The following SYNE2 variants were observed in gnomAD, a reference collection of about 807,000 sequenced individuals.
SYNE2 encodes spectrin repeat containing nuclear envelope protein 2, also known as nesprin-2.
Under a neutral mutation model 856.3 loss-of-function variants are expected in SYNE2, and 431 were observed. That is an observed-to-expected ratio of 0.50 (90% CI 0.47 to 0.55). The LOEUF (loss-of-function observed/expected upper bound fraction) is 0.55, where lower values mean the gene tolerates loss of function less well. Ranked by LOEUF, SYNE2 falls within the 20% of genes least tolerant of loss-of-function variation. The pLI is 0.00. For synonymous variants in SYNE2, 2,923 were observed against 2,872.3 expected, an observed-to-expected ratio of 1.02 and a Z score of -0.56; for missense variants, 8,129 against 8,023.2, an observed-to-expected ratio of 1.01 and a Z score of -0.50.
intron 6 of SYNE2, among the ~76,000 whole-genome samples, 185 bp downstream of exon 6, chr14:63,942,328 C>G (rs1222407004): frequency 6.6e-6 from 1 of 151,946 alleles, no homozygotes; most frequent in Non-Finnish European, 1.5e-5. Context: ...GTTTTTTTCT[C>G]TTCTTTTTGA....
intron 49 of SYNE2, among the ~76,000 whole-genome samples, chr14:64,062,359 T>C (rs951270454): frequency 4.6e-5 from 7 of 152,186 alleles, no homozygotes; most frequent in Non-Finnish European, 1.0e-4. Context: ...ATACAGTTCT[T>C]AAGGTAAATT....
chr14:63,868,501 A>G (rs1382072196), intron 1 of SYNE2, among the ~76,000 whole-genome samples: 2 of 152,038 alleles, frequency 1.3e-5, no homozygotes, highest in African/African-American at 4.8e-5. Flanking sequence ...AAGAACCCAT[A>G]TTGATGAAAT....
rs1428074432 is a variant in SYNE2 at position 64,143,674 on chromosome 14, G to A, written c.15307-98G>A. 34 of 1,304,784 alleles carry A rather than the reference G, an allele frequency of 2.6e-5. No homozygotes were observed. In the Admixed American group the frequency reaches 5.7e-4, roughly 22 times the overall value. 80.8% of individuals were successfully genotyped at this position (1,304,784 alleles called of 1,614,324 possible). ...TCCTGACAGGTGCCCCTTGATTAAT[G>A]GACGGGAGCTTGGTGCCCCCTCGAG... On this transcript the variant is annotated intron_variant, in intron 82 of 115. Coordinates refer to ENST00000555002, the MANE Select transcript of SYNE2 (RefSeq NM_182914.3).
intron 30 of SYNE2, 97 bp from the exon 31 acceptor site, chr14:64,006,946 C>T (rs2096800943): frequency 1.0e-6 from 1 of 958,408 alleles, no homozygotes; most frequent in Admixed American, 1.8e-5. Flanking sequence ...CACATGAGGA[C>T]AAATTAAAGT....
chr14:64,223,573 A>G (rs1448280712), intron 113 of SYNE2, among the ~76,000 whole-genome samples, 193 bp downstream of exon 113: 1 of 152,078 alleles, frequency 6.6e-6, no homozygotes, highest in Non-Finnish European at 1.5e-5. Context: ...CTGTTTTGTC[A>G]TTTTTAAAAG....
chr14:64,154,677 C>T (rs900253151), intron 85 of SYNE2, among the ~76,000 whole-genome samples: 1 of 151,262 alleles, frequency 6.6e-6, no homozygotes, highest in Non-Finnish European at 1.5e-5. Flanking sequence ...GCCTGTAGTC[C>T]AGCTACTTAG....
chr14:64,003,000 A>G lies in SYNE2; in HGVS notation c.4067A>G (p.Asn1356Ser). The G allele has an allele frequency of 6.2e-7, 1 of 1,614,212 alleles. No individual in the cohort carries two copies. Among genetic ancestry groups the G allele is most frequent in the Non-Finnish European group, 8.5e-7 (1 of 1,180,042 alleles). Residue 1356 changes from asparagine (N) to serine (S), a missense_variant, in exon 30 of 116, where the codon AAT becomes AGT. Transcript: ENST00000555002. ...SASDTQVAQE[N>S]TLTVKNKEGE... is the part of the protein sequence containing the mutation. Reference sequence around the variant, plus strand: ...TCAGATACACAGGTGGCACAAGAAAATACGTTGACAGTAAAAAATAAAGAG... The same window carrying G: ...TCAGATACACAGGTGGCACAAGAAAGTACGTTGACAGTAAAAAATAAAGAG...
intron 57 of SYNE2, among the ~76,000 whole-genome samples, chr14:64,082,002 C>T (rs1162375934): frequency 2.0e-5 from 3 of 151,870 alleles, no homozygotes; most frequent in African/African-American, 7.3e-5. Flanking sequence ...AGGAGAATGG[C>T]GTGAACCCAG....
chr14:64,057,618 C>A (rs557456339), intron 49 of SYNE2, among the ~76,000 whole-genome samples: 22 of 152,202 alleles, frequency 1.4e-4, no homozygotes, highest in African/African-American at 5.1e-4. Flanking sequence ...ATACTGATTT[C>A]TTTTGGGTAT....
At chr14:64,086,173 T>C (rs981872751) in intron 57 of SYNE2, among the ~76,000 whole-genome samples, 6 of 152,236 alleles carry the variant, frequency 3.9e-5, no homozygotes, top group African/African-American at 1.2e-4. Flanking sequence ...ATTCATTTCA[T>C]GTTAATTGTT....
chr14:64,026,724 A>T lies in SYNE2; in HGVS notation c.6398A>T (p.Tyr2133Phe), dbSNP rs1307365295. The T allele has an allele frequency of 3.1e-6, 5 of 1,606,678 alleles. No homozygotes were observed. In the Admixed American group the frequency reaches 6.8e-5, roughly 22 times the overall value. Residue 2133 changes from tyrosine to phenylalanine, a missense_variant, in exon 42 of 116, where the codon TAC (tyrosine) becomes TTC (phenylalanine). By Grantham distance (22) the Tyr-to-Phe change is conservative (BLOSUM62 3). This residue lies in a region of SYNE2 where 297 missense variants were observed against 380.9 expected (regional missense o/e 0.78). Transcript: ENST00000555002. ...AACACACTCCATTTAGCTAGCACCTACCTAAGGTAAAGGGCATGCCTGCAC... is the reference window on the plus strand; with the variant it reads ...AACACACTCCATTTAGCTAGCACCTTCCTAAGGTAAAGGGCATGCCTGCAC... Reference protein sequence around the residue: ...WDNTLHLASTYLSHQEKLLLE... With the variant: ...WDNTLHLASTFLSHQEKLLLE...
intron 1 of SYNE2, among the ~76,000 whole-genome samples, chr14:63,783,298 T>C (rs1357564737): frequency 6.6e-6 from 1 of 152,196 alleles, no homozygotes; most frequent in East Asian, 1.9e-4. Context: ...CCGCCATGAT[T>C]ATAAGTTTCC....
chr14:64,191,019 G>A lies in SYNE2; in HGVS notation c.18038+782G>A, dbSNP rs2098516059. On this transcript the variant is annotated intron_variant, in intron 99 of 115. Coordinates refer to ENST00000555002, the MANE Select transcript of SYNE2 (RefSeq NM_182914.3). ...AGCTGTGCTTCCACTGGCCACACGG[G>A]TCCTTTCCATAGCAGTGTGCTCAGA... 7.1e-6 allele frequency: 5 copies of A among 702,206 alleles called. No individual in the cohort carries two copies. The East Asian group carries it at 1.3e-4, about 19-fold the overall frequency. The allele number at this position is 702,206 out of a possible 1,614,324, so 43.5% of individuals were successfully genotyped here.
In SYNE2 at chr14:64,007,142, T is replaced by C. The variant is rs780946873; in HGVS notation, c.4497T>C (p.Asp1499=). Residue 1499 remains aspartate, a synonymous_variant, in exon 31 of 116, where the codon GAT becomes GAC. Coordinates refer to ENST00000555002, the MANE Select transcript of SYNE2 (RefSeq NM_182914.3). The part of the protein sequence containing the change: ...EMANSLPHFK[D]GREKTVNQQC... ...CTAATTCTCTTCCACACTTCAAAGA[T>C]GGCAGAGAAAAAACCGTGAATCAAC... 1.9e-6 allele frequency: 3 copies of C among 1,613,852 alleles called. No homozygotes were observed. The African/African-American group carries it at 4.0e-5, about 22-fold the overall frequency.
In SYNE2 at chr14:64,071,227, G is replaced by A. The variant is rs8005996; in HGVS notation, c.10697+317G>A. On this transcript the variant is annotated intron_variant, in intron 52 of 115. Transcript: ENST00000555002. ...TAGGAAATTCAGGCCGAGCGCGGTG[G>A]CTCACTCCTGTAATCCCAGCACTTT... 6.7e-3 allele frequency among the ~76,000 whole-genome samples: 1,016 copies of A among 152,208 alleles called. 15 individuals are homozygous for A. Among genetic ancestry groups the A allele is most frequent in the African/African-American group, 0.023 (966 of 41,522 alleles).
intron 6 of SYNE2, among the ~76,000 whole-genome samples, chr14:63,949,443 A>G (rs2096114875): frequency 6.6e-6 from 1 of 152,150 alleles, no homozygotes; most frequent in Admixed American, 6.5e-5. Flanking sequence ...TTTGTTCATA[A>G]TGGATGCATT....
intron 105 of SYNE2, 181 bp from the exon 106 acceptor site, chr14:64,214,013 C>T (rs991788023): frequency 6.7e-5 from 58 of 867,622 alleles, no homozygotes; most frequent in African/African-American, 1.0e-4. Flanking sequence ...GGCCCCACTC[C>T]AGATTGTCTA....
chr14:63,938,948 G>GTGCATGTGTGCGCTTGCATGTGTGCGCT (rs71123817), intron 2 of SYNE2, among the ~76,000 whole-genome samples: 6 of 151,786 alleles, frequency 4.0e-5, no homozygotes, highest in South Asian at 2.1e-4. Flanking sequence ...GTGTGCGTGT[G>GTGCATGTGTGCGCTTGCATGTGTGCGCT]TGCATGTGTG....
Position 64,186,485 on chromosome 14 carries a change from C to T in SYNE2, c.17618C>T (p.Ala5873Val), listed in dbSNP as rs563482043. ...TTGAAAGAACTTCAAACTATGAAGG[C>T]GGACTTAACCCGGCACGTTCTCGTG... ...QNLKELQTMK[A>V]DLTRHVLVED... The change falls in exon 97 of 116, where the codon GCG (alanine) becomes GTG (valine). Residue 5873 changes from alanine (A) to valine (V), a missense_variant. Coordinates refer to ENST00000555002, the MANE Select transcript of SYNE2 (RefSeq NM_182914.3). The T allele has an allele frequency of 8.1e-6, 13 of 1,614,078 alleles. No homozygotes were observed. Among genetic ancestry groups the T allele is most frequent in the Admixed American group, 5.0e-5 (3 of 60,004 alleles).
Sources: gnomAD v4.1 joint callset for allele counts (sites outside exome capture counted in the v4.1 genomes callset) on GRCh38, gnomAD v4.1.1 for gene constraint, gnomAD v4.1.1 regional missense constraint, MANE v1.5 for transcripts, NCBI Gene and HGNC (gene_info 2026-07-23, HGNC 2026-07-21) for gene names.